PLCB1: variants seen among roughly 807,000 people sequenced by gnomAD.
PLCB1 encodes 1-phosphatidylinositol 4,5-bisphosphate phosphodiesterase beta-1.
In PLCB1, 46 loss-of-function variants were observed where a neutral mutation model predicts 161.8. That is an observed-to-expected ratio of 0.28 (90% CI 0.22 to 0.36). PLCB1 has a LOEUF of 0.36. Among genes scored for constraint, PLCB1 ranks in the 10% least tolerant of loss-of-function variants. The pLI is 1.00. For missense variants in PLCB1, 1,016 were observed against 1,472.5 expected (o/e 0.69, Z 5.07); for synonymous variants, 517 against 503.7 (o/e 1.03, Z -0.35).
chr20:8,440,336 A>G (rs1490908119), intron 3 of PLCB1, among the ~76,000 whole-genome samples: 1 of 152,204 alleles, frequency 6.6e-6, no homozygotes, highest in Non-Finnish European at 1.5e-5. Flanking sequence ...ATGGGAAATA[A>G]GGATGTATTT....
intron 3 of PLCB1, among the ~76,000 whole-genome samples, chr20:8,549,739 CT>C: frequency 6.6e-6 from 1 of 152,106 alleles, no homozygotes. Flanking sequence ...GCCTGGCTAA[CT>C]TTTGTATTTT....
intron 2 of PLCB1, among the ~76,000 whole-genome samples, chr20:8,359,741 C>T (rs1986479535): frequency 6.6e-6 from 1 of 152,110 alleles, no homozygotes; most frequent in Admixed American, 6.5e-5. Flanking sequence ...AACCCCTAGT[C>T]TCGAATGCTC....
At chr20:8,455,814 C>T (rs1380535468) in intron 3 of PLCB1, among the ~76,000 whole-genome samples, 3 of 152,062 alleles carry the variant, frequency 2.0e-5, no homozygotes, top group Admixed American at 6.6e-5. Flanking sequence ...CCACTCACTC[C>T]CCAGCGTCAC....
At chr20:8,877,568 A>G (rs1005243923) in intron 31 of PLCB1, among the ~76,000 whole-genome samples, 10 of 152,202 alleles carry the variant, frequency 6.6e-5, no homozygotes, top group Admixed American at 6.5e-4. Flanking sequence ...TTTCTTGCAC[A>G]TAGCCTGCTA....
rs1989486331 is a variant in PLCB1 at position 8,657,197 on chromosome 20, C to T, written c.608C>T (p.Pro203Leu). The change falls in exon 8 of 32, where the codon CCT becomes CTT. Residue 203 changes from proline (P) to leucine (L), a missense_variant. This residue lies in a region of PLCB1 where 117 missense variants were observed against 142.2 expected (regional missense o/e 0.82). Coordinates refer to ENST00000338037, the MANE Select transcript of PLCB1 (RefSeq NM_015192.4). ...SLPSSRNDSI[P>L]QEDFTPEVYR... ...TTTATTTCCCAGAATGATTCAATAC[C>T]TCAAGAAGATTTCACTCCAGAAGTG... 4 of 1,602,246 alleles carry T rather than the reference C, an allele frequency of 2.5e-6. No individual in the cohort carries two copies. Among genetic ancestry groups the T allele is most frequent in the Non-Finnish European group, 3.4e-6 (4 of 1,169,682 alleles).
intron 2 of PLCB1, among the ~76,000 whole-genome samples, chr20:8,258,885 C>T (rs1430595965): frequency 2.0e-5 from 3 of 152,050 alleles, no homozygotes; most frequent in Non-Finnish European, 4.4e-5. Context: ...TCTATACATT[C>T]ATGTATCCAT....
At position 8,838,771 on chromosome 20, in the gene PLCB1, G is replaced by A. The variant is rs73087931; in HGVS notation, c.3424-42851G>A. The stretch of plus-strand genomic sequence containing the variant: ...AACTTACTTGACGTGCAGAAAACTG[G>A]ATGATGGAGAGTAACATGGAAAGTT... On this transcript the variant is annotated intron_variant, in intron 31 of 31. Transcript: ENST00000338037. Among the ~76,000 whole-genome samples the A allele has an allele frequency of 9.6e-3, 1,463 of 152,220 alleles. 13 individuals carry two copies. Among genetic ancestry groups the A allele is most frequent in the Non-Finnish European group, 0.015 (1,025 of 68,034 alleles).
chr20:8,701,141 A>T (rs571034854), intron 11 of PLCB1, among the ~76,000 whole-genome samples: 8 of 152,336 alleles, frequency 5.3e-5, no homozygotes, highest in African/African-American at 1.4e-4. Flanking sequence ...ATCAGCATGC[A>T]GTCTGCTTTC....
intron 2 of PLCB1, among the ~76,000 whole-genome samples, chr20:8,313,720 G>A (rs933100902): frequency 6.6e-6 from 1 of 152,094 alleles, no homozygotes; most frequent in African/African-American, 2.4e-5. Flanking sequence ...CCAGAATCTT[G>A]CTCCTACTCA....
At chr20:8,620,277 A>G (rs1270643859) in intron 3 of PLCB1, among the ~76,000 whole-genome samples, 2 of 152,310 alleles carry the variant, frequency 1.3e-5, no homozygotes, top group South Asian at 2.1e-4. Flanking sequence ...TGCGGCTCTC[A>G]GCCCTTAACA....
chr20:8,802,140 G>C, intron 31 of PLCB1: 2 of 1,611,138 alleles, frequency 1.2e-6, no homozygotes, highest in Non-Finnish European at 1.7e-6. Flanking sequence ...CAACCCTCAA[G>C]CTCTCAAGTG....
At chr20:8,795,891 A>G (rs1296870602) in intron 31 of PLCB1, among the ~76,000 whole-genome samples, 5 of 14,932 alleles carry the variant, frequency 3.3e-4, no homozygotes, top group Non-Finnish European at 4.9e-4. Flanking sequence ...AAAAAAAAAA[A>G]AAAGAAAAGA....
intron 3 of PLCB1, among the ~76,000 whole-genome samples, chr20:8,417,006 T>C (rs1979309861): frequency 6.9e-6 from 1 of 144,434 alleles, no homozygotes; most frequent in African/African-American, 2.6e-5. Flanking sequence ...TATATGTAGT[T>C]TTAAATACAT....
chr20:8,544,917 AT>A (rs1172371065), intron 3 of PLCB1, among the ~76,000 whole-genome samples: 1 of 152,204 alleles, frequency 6.6e-6, no homozygotes, highest in Non-Finnish European at 1.5e-5. Flanking sequence ...CACAGATTTG[AT>A]ATCTACTTTT....
At chr20:8,233,909 G>A (rs1460302104) in intron 2 of PLCB1, among the ~76,000 whole-genome samples, 1 of 152,290 alleles carries the variant, frequency 6.6e-6, no homozygotes, top group Admixed American at 6.5e-5. Flanking sequence ...ATTGTTGCAT[G>A]CGATTGTAAT....
chr20:8,785,490 G>A (rs183266839), intron 27 of PLCB1, among the ~76,000 whole-genome samples: 5 of 152,228 alleles, frequency 3.3e-5, no homozygotes, highest in East Asian at 1.9e-4. Context: ...CCATTGCATC[G>A]TGGCTGAATC....
At chr20:8,220,702 A>G (rs1361137307) in intron 2 of PLCB1, among the ~76,000 whole-genome samples, 1 of 152,178 alleles carries the variant, frequency 6.6e-6, no homozygotes, top group Non-Finnish European at 1.5e-5. Flanking sequence ...TGACAACTTG[A>G]GCTTGGACTT....
intron 3 of PLCB1, among the ~76,000 whole-genome samples, chr20:8,446,404 T>A (rs1980829222): frequency 6.6e-6 from 1 of 152,212 alleles, no homozygotes; most frequent in Non-Finnish European, 1.5e-5. Flanking sequence ...TGATGGGATG[T>A]ATCTCAAAAT....
At chr20:8,378,906 C>A (rs1475938753) in intron 3 of PLCB1, among the ~76,000 whole-genome samples, 2 of 152,276 alleles carry the variant, frequency 1.3e-5, no homozygotes, top group East Asian at 3.9e-4. Context: ...ACTTTCTTTG[C>A]TCATTCATAA....
Sources: gnomAD v4.1 joint callset for allele counts (sites outside exome capture counted in the v4.1 genomes callset) on GRCh38, gnomAD v4.1.1 for gene constraint, gnomAD v4.1.1 regional missense constraint, MANE v1.5 for transcripts, NCBI Gene and HGNC (gene_info 2026-07-23, HGNC 2026-07-21) for gene names.